The following PHF12 variants were observed in gnomAD, a reference collection of about 807,000 sequenced individuals.
PHF12 encodes PHD finger protein 12.
A neutral mutation model predicts 99.8 loss-of-function variants in PHF12; 6 were observed. The ratio of observed to expected loss-of-function variants is 0.06; its 90% CI spans 0.03 to 0.12. PHF12 has a LOEUF of 0.12. Among genes scored for constraint, PHF12 ranks in the 10% least tolerant of loss-of-function variants. The pLI is 1.00. For missense variants in PHF12, 954 were observed against 1,300.1 expected, an observed-to-expected ratio of 0.73 and a Z score of 4.09; for synonymous variants, 480 against 514.9, an observed-to-expected ratio of 0.93 and a Z score of 0.92.
At position 28,912,649 on chromosome 17, in the gene PHF12, A is replaced by G; in HGVS notation, c.1922T>C (p.Leu641Ser). The G allele has an allele frequency of 1.9e-6, 3 of 1,614,186 alleles. No individual in the cohort carries two copies. The highest frequency in any genetic ancestry group is 2.5e-6 in the Non-Finnish European group (3 of 1,180,036). ...CTGTGATTGGACAGTCTTTCTTTGC[A>G]AAGTGCTGGTGTTCTCGATGCTGGC... ...SCASIENTST[L>S]QRKTVQSQIG... The change falls in exon 9 of 15, where the codon TTG becomes TCG. Residue 641 changes from leucine to serine, a missense_variant. By Grantham distance (145) the Leu-to-Ser change is moderately radical. This residue lies in a region of PHF12 where 392 missense variants were observed against 423.1 expected (regional missense o/e 0.93). Transcript: ENST00000332830.
In PHF12 at chr17:28,912,947, T is replaced by C; in HGVS notation, c.1624A>G (p.Asn542Asp). ...TPCGTANGPV[N>D]TEVKANGPHL... is the part of the protein sequence containing the mutation. The stretch of plus-strand genomic sequence containing the variant: ...GGGCCATTAGCTTTCACCTCTGTGT[T>C]CACTGGCCCATTGGCAGTCCCACAA... The change falls in exon 9 of 15, where the codon AAC becomes GAC. Residue 542 changes from asparagine (N) to aspartate (D), a missense_variant. This residue lies in a region of PHF12 where 392 missense variants were observed against 423.1 expected (regional missense o/e 0.93). Transcript: ENST00000332830. 6.2e-7 allele frequency: 1 copy of C among 1,614,252 alleles called. No individual in the cohort carries two copies. The highest frequency in any genetic ancestry group is 8.5e-7 in the Non-Finnish European group (1 of 1,180,038).
At position 28,949,464 on chromosome 17, in the gene PHF12, G is replaced by A. The variant is rs1456650702; in HGVS notation, c.248+601C>T. Among the ~76,000 whole-genome samples, 3 of 152,242 alleles carry A rather than the reference G, an allele frequency of 2.0e-5. No individual in the cohort carries two copies. The highest frequency in any genetic ancestry group is 4.8e-5 in the African/African-American group (2 of 41,468). On this transcript the variant is annotated intron_variant, in intron 2 of 14. Coordinates refer to ENST00000332830, the MANE Select transcript of PHF12 (RefSeq NM_001033561.2). The surrounding 1 kb of genome is among the most constrained non-coding windows in gnomAD (Gnocchi z 4.6). Reference sequence around the variant, plus strand: ...GGCTGTCCCCACCGTTCCCCCGAGAGACGTTTGCAAATCATATATGCAGCC... The same window carrying A: ...GGCTGTCCCCACCGTTCCCCCGAGAAACGTTTGCAAATCATATATGCAGCC...
chr17:28,923,826 T>C, intron 4 of PHF12, 83 bp downstream of exon 4: 3 of 1,458,692 alleles, frequency 2.1e-6, no homozygotes, highest in Non-Finnish European at 2.8e-6. Context: ...ACATGAACAG[T>C]GACTCCACAG....
intron 2 of PHF12, among the ~76,000 whole-genome samples, chr17:28,943,049 A>C (rs1221371613): frequency 1.3e-5 from 2 of 152,168 alleles, no homozygotes; most frequent in African/African-American, 4.8e-5. Context: ...ACCAATAACC[A>C]CATGAAAAAA....
At chr17:28,945,560 GT>G (rs2040706387) in intron 2 of PHF12, among the ~76,000 whole-genome samples, 1 of 152,130 alleles carries the variant, frequency 6.6e-6, no homozygotes, top group Non-Finnish European at 1.5e-5. Context: ...GACCATTTTG[GT>G]CCCTCAGTCT....
chr17:28,927,198 A>G, intron 2 of PHF12, 135 bp from the exon 3 acceptor site: 1 of 732,640 alleles, frequency 1.4e-6, no homozygotes, highest in Non-Finnish European at 2.3e-6. Flanking sequence ...CTCCTCCAAA[A>G]TGCCTAAGTC....
At chr17:28,937,976 G>A (rs908486630) in intron 2 of PHF12, among the ~76,000 whole-genome samples, 2 of 152,140 alleles carry the variant, frequency 1.3e-5, no homozygotes, top group Non-Finnish European at 2.9e-5. Context: ...TCCATTGGAA[G>A]GAAGAACCAA....
At chr17:28,940,980 G>A (rs2040602841) in intron 2 of PHF12, among the ~76,000 whole-genome samples, 2 of 151,522 alleles carry the variant, frequency 1.3e-5, no homozygotes, top group South Asian at 4.2e-4. Context: ...AGCTGGCCAT[G>A]TTGTACTCCC....
chr17:28,920,912 C>T (rs1182644542), intron 5 of PHF12, among the ~76,000 whole-genome samples: 1 of 149,508 alleles, frequency 6.7e-6, no homozygotes, highest in Middle Eastern at 3.7e-3. Context: ...CTTGCTCTGT[C>T]GCCCAGGCTG....
rs750801777 is a variant in PHF12, at chr17:28,911,086, G to A, written c.2215+26C>T. 4.3e-6 allele frequency: 7 copies of A among 1,613,860 alleles called. No individual in the cohort carries two copies. The South Asian group carries it at 4.4e-5, about 10-fold the overall frequency. ...TAGCACCTTCAACATAGCAAACGGT[G>A]GAACAGCAGCAGCTCATTCACTCAC... On this transcript the variant is annotated intron_variant, in intron 10 of 14. Coordinates refer to ENST00000332830, the MANE Select transcript of PHF12 (RefSeq NM_001033561.2).
chr17:28,945,609 A>G (rs1817737993), intron 2 of PHF12, among the ~76,000 whole-genome samples: 1 of 152,182 alleles, frequency 6.6e-6, no homozygotes, highest in Non-Finnish European at 1.5e-5. Flanking sequence ...AATCACAGGA[A>G]ACCAGTCAGT....
chr17:28,933,986 G>A (rs2040461169), intron 2 of PHF12, among the ~76,000 whole-genome samples: 2 of 152,090 alleles, frequency 1.3e-5, no homozygotes, highest in Non-Finnish European at 2.9e-5. Flanking sequence ...GGGCAAAACT[G>A]AAGTGAGCCA....
intron 4 of PHF12, among the ~76,000 whole-genome samples, chr17:28,922,611 C>T (rs2040186403): frequency 6.6e-6 from 1 of 152,138 alleles, no homozygotes; most frequent in African/African-American, 2.4e-5. Context: ...CATAGTCACA[C>T]ATCTATACAT....
chr17:28,913,607 G>A (rs1443840095), intron 8 of PHF12, among the ~76,000 whole-genome samples: 1 of 152,082 alleles, frequency 6.6e-6, no homozygotes, highest in Non-Finnish European at 1.5e-5. Flanking sequence ...CCTCTCTATG[G>A]GTCTACTCAT....
chr17:28,923,784 A>G, intron 4 of PHF12, 125 bp downstream of exon 4: 1 of 1,186,906 alleles, frequency 8.4e-7, no homozygotes, highest in South Asian at 1.6e-5. Context: ...CTCTCCAAGC[A>G]GAACTAGGAA....
intron 2 of PHF12, among the ~76,000 whole-genome samples, chr17:28,946,998 T>C (rs544049935): frequency 6.6e-6 from 1 of 152,114 alleles, no homozygotes; most frequent in East Asian, 1.9e-4. Context: ...TTTTTTTTTC[T>C]CCTGAGATGG....
At chr17:28,919,460 C>T (rs932149019) in intron 5 of PHF12, among the ~76,000 whole-genome samples, 185 bp from the exon 6 acceptor site, 3 of 152,174 alleles carry the variant, frequency 2.0e-5, no homozygotes, top group African/African-American at 2.4e-5. Flanking sequence ...GGGGCTGGTG[C>T]GATGGCTCAC....
At chr17:28,947,432 G>A (rs1321767326) in intron 2 of PHF12, among the ~76,000 whole-genome samples, 1 of 151,946 alleles carries the variant, frequency 6.6e-6, no homozygotes, top group East Asian at 1.9e-4. Flanking sequence ...ACAAAAATTA[G>A]CTGGGTGTGG....
At chr17:28,935,762 C>A (rs1295901597) in intron 2 of PHF12, among the ~76,000 whole-genome samples, 2 of 152,118 alleles carry the variant, frequency 1.3e-5, no homozygotes, top group Non-Finnish European at 2.9e-5. Flanking sequence ...ACATACAAAC[C>A]AATTCCTAAA....
Sources: allele counts gnomAD v4.1 joint callset (sites outside exome capture counted in the v4.1 genomes callset), GRCh38; gene constraint gnomAD v4.1.1; regional missense constraint gnomAD v4.1.1; non-coding constraint Gnocchi (gnomAD v3.1); transcripts MANE v1.5; gene names NCBI Gene and HGNC (gene_info 2026-07-23, HGNC 2026-07-21).